PGPEP1L: variants seen among roughly 807,000 people sequenced by gnomAD.
PGPEP1L encodes the protein pyroglutamyl-peptidase 1-like protein.
A neutral mutation model predicts 6.0 loss-of-function variants in PGPEP1L; 7 were observed. The observed-to-expected ratio is 1.17, with a 90% CI of 0.66 to 2.19. The LOEUF (loss-of-function observed/expected upper bound fraction) is 2.19. PGPEP1L is among the 30% of genes most tolerant of loss of function. PGPEP1L has a pLI of 0.00. For missense variants in PGPEP1L, 209 were observed against 192.5 expected (o/e 1.09, Z -0.51); for synonymous variants, 103 against 83.9 (o/e 1.23, Z -1.24).
chr15:99,002,408 G>T (rs116118387), intron 2 of PGPEP1L, among the ~76,000 whole-genome samples: 1 of 152,246 alleles, frequency 6.6e-6, no homozygotes, highest in South Asian at 2.1e-4. Context: ...GAGCTAGCAC[G>T]AGTGAGCTTT....
chr15:99,004,687 T>C (rs1196153437), intron 2 of PGPEP1L, among the ~76,000 whole-genome samples: 1 of 152,160 alleles, frequency 6.6e-6, no homozygotes, highest in Non-Finnish European at 1.5e-5. Flanking sequence ...CACTGCACTC[T>C]AGCCTAGCGA....
rs1388781412 is a variant in PGPEP1L at position 99,007,733 on chromosome 15, T to C, written c.-744A>G. 4 of 152,246 alleles carry C rather than the reference T, an allele frequency of 2.6e-5. No individual in the cohort carries two copies. Among genetic ancestry groups the C allele is most frequent in the Non-Finnish European group, 4.4e-5 (3 of 68,064 alleles). The allele number at this position is 152,246 out of a possible 1,614,324, so 9.4% of individuals were successfully genotyped here. On this transcript the variant is annotated 5_prime_UTR_variant, in exon 1 of 5. Coordinates refer to ENST00000535714, the MANE Select transcript of PGPEP1L (RefSeq NM_001167902.2). ...AAACAGTAAGCAGCAGCAACGGTTA[T>C]TGCAAACAAGCAAAACAACAAAACT...
intron 3 of PGPEP1L, 63 bp from the exon 4 acceptor site, chr15:98,969,714 G>A (rs902652518): frequency 5.2e-6 from 8 of 1,532,064 alleles, no homozygotes; most frequent in Non-Finnish European, 7.1e-6. Context: ...CTCACCAAAT[G>A]TGCAGAAGGG....
intron 3 of PGPEP1L, 68 bp downstream of exon 3, chr15:98,970,968 C>T: frequency 6.3e-7 from 1 of 1,594,298 alleles, no homozygotes; most frequent in Non-Finnish European, 8.5e-7. Flanking sequence ...GAACCAGGAC[C>T]CGGGGGTTCA....
chr15:99,006,948 C>G (rs2018077929), intron 1 of PGPEP1L, among the ~76,000 whole-genome samples: 1 of 152,146 alleles, frequency 6.6e-6, no homozygotes, highest in African/African-American at 2.4e-5. Flanking sequence ...TCTCAAGCAC[C>G]CTGCGGCCTC....
At chr15:98,988,987 A>T (rs1049479972) in intron 2 of PGPEP1L, among the ~76,000 whole-genome samples, 2 of 152,230 alleles carry the variant, frequency 1.3e-5, no homozygotes, top group Non-Finnish European at 1.5e-5. Context: ...GGTCACCAAC[A>T]TCAGAGACCA....
intron 2 of PGPEP1L, among the ~76,000 whole-genome samples, chr15:98,993,836 G>A (rs1254889139): frequency 2.0e-5 from 3 of 150,318 alleles, no homozygotes; most frequent in African/African-American, 2.5e-5. Flanking sequence ...ACAATTACAT[G>A]AAAAAAAAAG....
intron 2 of PGPEP1L, among the ~76,000 whole-genome samples, chr15:98,997,663 G>A (rs1339963626): frequency 2.0e-5 from 3 of 152,180 alleles, no homozygotes; most frequent in African/African-American, 7.2e-5. Flanking sequence ...ATAGCTGCTT[G>A]TACAAAGTGG....
Position 98,971,070 on chromosome 15 carries a change from C to G in PGPEP1L, c.-53G>C. On this transcript the variant is annotated 5_prime_UTR_variant, in exon 3 of 5. Coordinates refer to ENST00000535714, the MANE Select transcript of PGPEP1L (RefSeq NM_001167902.2). ...ATGATCTTCCCAGATTCCGGTGACCCTCCGCTTAGCCTCCCTGTAATCTAC... is the reference window on the plus strand; with the variant it reads ...ATGATCTTCCCAGATTCCGGTGACCGTCCGCTTAGCCTCCCTGTAATCTAC... 6.2e-7 allele frequency: 1 copy of G among 1,613,870 alleles called. No homozygotes were observed. Among genetic ancestry groups the G allele is most frequent in the Non-Finnish European group, 8.5e-7 (1 of 1,179,826 alleles).
At chr15:98,980,818 G>C (rs1451995567) in intron 2 of PGPEP1L, among the ~76,000 whole-genome samples, 1 of 152,094 alleles carries the variant, frequency 6.6e-6, no homozygotes, top group East Asian at 1.9e-4. Flanking sequence ...TGTAGTCCCA[G>C]CTGTTCAGGA....
At chr15:98,981,508 A>G (rs55940032) in intron 2 of PGPEP1L, among the ~76,000 whole-genome samples, 2 of 139,670 alleles carry the variant, frequency 1.4e-5, no homozygotes, top group Non-Finnish European at 3.1e-5. Context: ...AAAAAAAAAC[A>G]AAAACAAAAC....
chr15:98,985,098 G>T (rs1434246803), intron 2 of PGPEP1L, among the ~76,000 whole-genome samples: 1 of 152,144 alleles, frequency 6.6e-6, no homozygotes, highest in Non-Finnish European at 1.5e-5. Context: ...GGCACTGGAC[G>T]CAGAGCTTGA....
At chr15:98,972,077 G>A (rs1285409716) in intron 2 of PGPEP1L, among the ~76,000 whole-genome samples, 1 of 152,136 alleles carries the variant, frequency 6.6e-6, no homozygotes, top group Non-Finnish European at 1.5e-5. Context: ...CATGGGCCAG[G>A]CATGGTGGTT....
intron 2 of PGPEP1L, chr15:99,001,126 T>C (rs2151766455): frequency 4.5e-6 from 2 of 445,390 alleles, no homozygotes; most frequent in East Asian, 1.6e-4. Context: ...TCTGAACACA[T>C]CCAAACATCA....
chr15:98,969,318 A>G (rs2017454078), intron 4 of PGPEP1L, 107 bp downstream of exon 4: 2 of 1,421,100 alleles, frequency 1.4e-6, no homozygotes, highest in Admixed American at 3.4e-5. Context: ...CCGCATGGCC[A>G]AGTGGCCAGC....
intron 2 of PGPEP1L, among the ~76,000 whole-genome samples, chr15:98,992,008 A>C (rs1192219746): frequency 1.2e-4 from 19 of 152,230 alleles, no homozygotes; most frequent in Admixed American, 9.8e-4. Flanking sequence ...CTGAATAGGC[A>C]AAAACTGGAA....
In PGPEP1L at chr15:98,969,494, C is replaced by T. The variant is rs371836626; in HGVS notation, c.140G>A (p.Cys47Tyr). The change falls in exon 4 of 5, where the codon TGC becomes TAC. Residue 47 changes from cysteine (C) to tyrosine (Y), a missense_variant. Coordinates refer to ENST00000535714, the MANE Select transcript of PGPEP1L (RefSeq NM_001167902.2). ...TACGCGCTTGCAGACTGCCTTCATG[C>T]AGACCCCTGACTCCAGCACGTCTGG... ...GSPDVLESGV[C>Y]MKAVCKRVAV... 1.9e-6 allele frequency: 3 copies of T among 1,613,948 alleles called. No homozygotes were observed. The highest frequency in any genetic ancestry group is 2.7e-5 in the African/African-American group (2 of 74,954).
At chr15:99,001,662 CA>C (rs2017972254) in intron 2 of PGPEP1L, among the ~76,000 whole-genome samples, 1 of 151,906 alleles carries the variant, frequency 6.6e-6, no homozygotes, top group Admixed American at 6.6e-5. Flanking sequence ...GAAAAAGAAC[CA>C]ATCTCAAAAG....
chr15:98,970,906 T>C, intron 3 of PGPEP1L, 130 bp downstream of exon 3: 1 of 1,358,644 alleles, frequency 7.4e-7, no homozygotes. Flanking sequence ...AGCTGGGACC[T>C]TGCATGACTG....
Sources: allele counts gnomAD v4.1 joint callset (sites outside exome capture counted in the v4.1 genomes callset), GRCh38; gene constraint gnomAD v4.1.1; transcripts MANE v1.5; gene names NCBI Gene and HGNC (gene_info 2026-07-23, HGNC 2026-07-21).